The following RNF183 variants were observed in gnomAD, a reference collection of about 807,000 sequenced individuals.
The protein encoded by RNF183 is ring finger protein 183.
A neutral mutation model predicts 9.0 loss-of-function variants in RNF183; 4 were observed. The observed-to-expected ratio is 0.44, with a 90% CI of 0.22 to 1.01. The LOEUF (loss-of-function observed/expected upper bound fraction) is 1.01, where lower values mean the gene tolerates loss of function less well. Among genes scored for constraint, RNF183 ranks in the 50% least tolerant of loss-of-function variants. The pLI is 0.25. For synonymous variants in RNF183, 102 were observed against 107.5 expected (o/e 0.95, Z 0.32); for missense variants, 227 against 253.6 (o/e 0.89, Z 0.71).
rs3750535 is a variant in RNF183, at chr9:113,297,453, A to T, written c.*153T>A. The T allele has an allele frequency of 0.36, 184,599 of 506,546 alleles. 35,883 individuals carry two copies. The highest frequency in any genetic ancestry group is 0.6 in the African/African-American group (29,470 of 49,398). The allele number at this position is 506,546 out of a possible 1,614,324, so 31.4% of individuals were successfully genotyped here. A position where few individuals can be genotyped will look rare whatever the true frequency, so the allele number is the denominator to read the frequency against. On this transcript the variant is annotated 3_prime_UTR_variant, in exon 5 of 5. Transcript: ENST00000489339. The stretch of plus-strand genomic sequence containing the variant: ...GCTTTTCGTTTTTTTGTTTTTTTTT[A>T]AAATTGTTCCCAGAAGCAAACACAT...
intron 2 of RNF183, 43 bp downstream of exon 2, chr9:113,302,152 A>T (rs976090185): frequency 6.6e-6 from 1 of 150,574 alleles, no homozygotes; most frequent in African/African-American, 2.5e-5. Context: ...AGCTTGTATT[A>T]CTACACGTCA....
chr9:113,300,421 A>G (rs1160474449), intron 3 of RNF183, among the ~76,000 whole-genome samples: 2 of 152,244 alleles, frequency 1.3e-5, no homozygotes, highest in Non-Finnish European at 2.9e-5. Context: ...GCAAAAAGAC[A>G]TTTAATGAAT....
Position 113,297,724 on chromosome 9 carries a change from C to T in RNF183, c.461G>A (p.Cys154Tyr). The T allele has an allele frequency of 6.2e-7, 1 of 1,614,116 alleles. No homozygotes were observed. Among genetic ancestry groups the T allele is most frequent in the Non-Finnish European group, 8.5e-7 (1 of 1,180,002 alleles). ...LIPSHHSLRE[C>Y]FRNPQFRIFA... ...GATGCGGAACTGAGGGTTGCGGAAA[C>T]ACTCCCTCAAAGAGTGGTGGCTGGG... The change falls in exon 5 of 5, where the codon TGT becomes TAT. Residue 154 changes from cysteine (C) to tyrosine (Y), a missense_variant. Physicochemically the swap from Cys to Tyr is radical, Grantham distance 194. Transcript: ENST00000489339.
chr9:113,298,063 A>C lies in RNF183; in HGVS notation c.122T>G (p.Leu41Arg). Residue 41 changes from leucine to arginine, a missense_variant, in exon 5 of 5, where the codon CTG becomes CGG. Leu to Arg is a moderately radical substitution (Grantham distance 102, BLOSUM62 -2). Coordinates refer to ENST00000489339, the MANE Select transcript of RNF183 (RefSeq NM_001371237.1). This position sits in a 1 kb window ranked among gnomAD's most constrained non-coding sequence, Gnocchi z 4.9. ...DCCHSFCVEC[L>R]AHLSLVTPAR... Reference sequence around the variant, plus strand: ...TGGAGTCACAAGGCTGAGGTGGGCCAGACATTCCACGCAGAAGGAGTGGCA... The same window carrying C: ...TGGAGTCACAAGGCTGAGGTGGGCCCGACATTCCACGCAGAAGGAGTGGCA... 1 of 1,614,084 alleles carries C rather than the reference A, an allele frequency of 6.2e-7. No homozygotes were observed. The highest frequency in any genetic ancestry group is 8.5e-7 in the Non-Finnish European group (1 of 1,180,018).
chr9:113,300,823 A>G (rs953538518), intron 3 of RNF183, among the ~76,000 whole-genome samples: 5 of 152,156 alleles, frequency 3.3e-5, no homozygotes, highest in Non-Finnish European at 7.4e-5. Flanking sequence ...TCCTATTTCC[A>G]TTTTTAAAAC....
At position 113,298,194 on chromosome 9, in the gene RNF183, C is replaced by T. The variant is rs1385073796; in HGVS notation, c.-10G>A. On this transcript the variant is annotated 5_prime_UTR_variant, in exon 5 of 5. It adds an upstream start codon to the 5' untranslated region. Transcript: ENST00000489339. The surrounding 1 kb of genome is among the most constrained non-coding windows in gnomAD (Gnocchi z 4.9). ...CCTGCTGCTCAGCCATCCTCAGCCACACACGGGGAGGCTTCGCGGGAGACG... is the reference window on the plus strand; with the variant it reads ...CCTGCTGCTCAGCCATCCTCAGCCATACACGGGGAGGCTTCGCGGGAGACG... The T allele has an allele frequency of 1.9e-6, 3 of 1,605,602 alleles. No homozygotes were observed. The Admixed American group carries it at 5.0e-5, about 27-fold the overall frequency.
chr9:113,297,467 A>C lies in RNF183; in HGVS notation c.*139T>G. On this transcript the variant is annotated 3_prime_UTR_variant, in exon 5 of 5. Coordinates refer to ENST00000489339, the MANE Select transcript of RNF183 (RefSeq NM_001371237.1). Reference sequence around the variant, plus strand: ...TGTTTTTTTTTAAAATTGTTCCCAGAAGCAAACACATGGCCTGAACAATCC... The same window carrying C: ...TGTTTTTTTTTAAAATTGTTCCCAGCAGCAAACACATGGCCTGAACAATCC... The C allele has an allele frequency of 1.8e-6, 1 of 560,442 alleles. No individual in the cohort carries two copies. The highest frequency in any genetic ancestry group is 3.0e-6 in the Non-Finnish European group (1 of 332,236). 34.7% of individuals were successfully genotyped at this position (560,442 alleles called of 1,614,324 possible). A position where few individuals can be genotyped will look rare whatever the true frequency, so the allele number is the denominator to read the frequency against.
chr9:113,298,248 G>A lies in RNF183; in HGVS notation c.-37-27C>T. ...TGGCAGAAGGGGGAAAGGAGCAAAGGAACAGCCATGAAGTCCCATCCTTGT... is the reference window on the plus strand; with the variant it reads ...TGGCAGAAGGGGGAAAGGAGCAAAGAAACAGCCATGAAGTCCCATCCTTGT... On this transcript the variant is annotated intron_variant, in intron 4 of 4. Coordinates refer to ENST00000489339, the MANE Select transcript of RNF183 (RefSeq NM_001371237.1). This position sits in a 1 kb window ranked among gnomAD's most constrained non-coding sequence, Gnocchi z 4.9. 1.4e-6 allele frequency: 2 copies of A among 1,385,906 alleles called. No individual in the cohort carries two copies. Among genetic ancestry groups the A allele is most frequent in the Non-Finnish European group, 2.0e-6 (2 of 991,990 alleles). The allele number at this position is 1,385,906 out of a possible 1,614,324, so 85.9% of individuals were successfully genotyped here. A position where few individuals can be genotyped will look rare whatever the true frequency, so the allele number is the denominator to read the frequency against.
chr9:113,302,697 A>G lies in RNF183; in HGVS notation c.-441+359T>C, dbSNP rs148537488. ...ATTTGGAACAATTTGTCTTGGACAA[A>G]TGGCTTAACCTCTCTGAACTTCATT... On this transcript the variant is annotated intron_variant, in intron 1 of 4. Coordinates refer to ENST00000489339, the MANE Select transcript of RNF183 (RefSeq NM_001371237.1). 9.0e-4 allele frequency among the ~76,000 whole-genome samples: 137 copies of G among 152,320 alleles called. 1 individual carries two copies. The highest frequency in any genetic ancestry group is 1.4e-3 in the Non-Finnish European group (93 of 68,036).
chr9:113,298,461 C>T lies in RNF183; in HGVS notation c.-37-240G>A, dbSNP rs537071633. On this transcript the variant is annotated intron_variant, in intron 4 of 4. Transcript: ENST00000489339. The surrounding 1 kb of genome is among the most constrained non-coding windows in gnomAD (Gnocchi z 4.9). ...CCCTACCAAGAGCCCCCAAGAGAGC[C>T]GGCATTGGAGCAGATGTCGCCCTGG... The T allele has an allele frequency of 2.5e-5, 12 of 484,446 alleles. No homozygotes were observed. The highest frequency in any genetic ancestry group is 8.6e-5 in the South Asian group (3 of 35,016). 30.0% of individuals were successfully genotyped at this position (484,446 alleles called of 1,614,324 possible).
At position 113,303,075 on chromosome 9, in the gene RNF183, T is replaced by G. The variant is rs1463735185; in HGVS notation, c.-460A>C. 6.6e-6 allele frequency: 1 copy of G among 152,646 alleles called. No homozygotes were observed. Among genetic ancestry groups the G allele is most frequent in the African/African-American group, 2.4e-5 (1 of 41,444 alleles). The allele number at this position is 152,646 out of a possible 1,614,324, so 9.5% of individuals were successfully genotyped here. A position where few individuals can be genotyped will look rare whatever the true frequency, so the allele number is the denominator to read the frequency against. On this transcript the variant is annotated 5_prime_UTR_variant, in exon 1 of 5. Transcript: ENST00000489339. The stretch of plus-strand genomic sequence containing the variant: ...CCTTACCTGCTCCCTCGGAGCCGCC[T>G]CCTCCGCCTCCGTTCGTGCAGCCCT...
intron 1 of RNF183, 74 bp downstream of exon 1, chr9:113,302,982 G>C (rs1350751827): frequency 6.6e-6 from 1 of 152,266 alleles, no homozygotes; most frequent in Non-Finnish European, 1.5e-5. Context: ...CCTGTCGCGC[G>C]CTGCACGGCT....
intron 1 of RNF183, among the ~76,000 whole-genome samples, 164 bp downstream of exon 1, chr9:113,302,892 C>G (rs1832960296): frequency 1.3e-5 from 2 of 152,216 alleles, no homozygotes; most frequent in African/African-American, 4.8e-5. Flanking sequence ...GGTGAGGCAA[C>G]TTGCCGAAGT....
chr9:113,297,361 G>A lies in RNF183; in HGVS notation c.*245C>T, dbSNP rs564608949. ...GCTGTGGAGCTCTGTGGTCAGAACC[G>A]CTTCTCTGCCCTTCCATGACGCCAC... On this transcript the variant is annotated 3_prime_UTR_variant, in exon 5 of 5. Coordinates refer to ENST00000489339, the MANE Select transcript of RNF183 (RefSeq NM_001371237.1). The A allele has an allele frequency of 4.0e-5, 13 of 326,102 alleles. No individual in the cohort carries two copies. The highest frequency in any genetic ancestry group is 9.3e-5 in the Admixed American group (2 of 21,462). 20.2% of individuals were successfully genotyped at this position (326,102 alleles called of 1,614,324 possible).
Position 113,298,146 on chromosome 9 carries a change from G to A in RNF183, c.39C>T (p.Cys13=). ...EQQGRELEAE[C]PVCWNPFNNT... is the part of the protein sequence containing the mutation. ...TGTTGAAGGGGTTCCAGCAGACGGGGCACTCAGCCTCAAGCTCCCGGCCCT... is the reference window on the plus strand; with the variant it reads ...TGTTGAAGGGGTTCCAGCAGACGGGACACTCAGCCTCAAGCTCCCGGCCCT... The change falls in exon 5 of 5, where the codon TGC becomes TGT. Residue 13 remains cysteine, a synonymous_variant. Transcript: ENST00000489339. This position sits in a 1 kb window ranked among gnomAD's most constrained non-coding sequence, Gnocchi z 4.9. 1 of 1,613,786 alleles carries A rather than the reference G, an allele frequency of 6.2e-7. No individual in the cohort carries two copies. The highest frequency in any genetic ancestry group is 8.5e-7 in the Non-Finnish European group (1 of 1,179,876).
intron 3 of RNF183, among the ~76,000 whole-genome samples, chr9:113,300,672 G>A (rs554122273): frequency 1.3e-5 from 2 of 152,050 alleles, no homozygotes; most frequent in South Asian, 4.2e-4. Flanking sequence ...CTTCCAATTT[G>A]AGAAAGTGAA....
At chr9:113,300,058 C>A (rs1160759771) in intron 3 of RNF183, among the ~76,000 whole-genome samples, 1 of 152,188 alleles carries the variant, frequency 6.6e-6, no homozygotes, top group African/African-American at 2.4e-5. Context: ...AAGAGGGGAT[C>A]TGGGGGAAGG....
rs185096359 is a variant in RNF183, at chr9:113,298,116, C to G, written c.69G>C (p.Thr23=). 1.4e-5 allele frequency: 22 copies of G among 1,613,856 alleles called. No individual in the cohort carries two copies. Among genetic ancestry groups the G allele is most frequent in the Non-Finnish European group, 1.7e-5 (20 of 1,179,978 alleles). ...AATCCAGCATTTTGGGGGTATGGAA[C>G]GTGTTGTTGAAGGGGTTCCAGCAGA... ...CPVCWNPFNN[T]FHTPKMLDCC... is the part of the protein sequence containing the mutation. Residue 23 remains threonine, a synonymous_variant, in exon 5 of 5, where the codon ACG becomes ACC. Transcript: ENST00000489339. This position sits in a 1 kb window ranked among gnomAD's most constrained non-coding sequence, Gnocchi z 4.9.
In RNF183 at chr9:113,299,629, A is replaced by C. The variant is rs1032300005; in HGVS notation, c.-95T>G. 2.0e-5 allele frequency: 3 copies of C among 152,154 alleles called. No individual in the cohort carries two copies. Among genetic ancestry groups the C allele is most frequent in the Admixed American group, 6.5e-5 (1 of 15,282 alleles). The allele number at this position is 152,154 out of a possible 1,614,324, so 9.4% of individuals were successfully genotyped here. A position where few individuals can be genotyped will look rare whatever the true frequency, so the allele number is the denominator to read the frequency against. ...GCTGGTCAGCCTTCTGAGATCTTAG[A>C]GCTGGCCATCCCACCAACCTTAGGG... On this transcript the variant is annotated 5_prime_UTR_variant, in exon 4 of 5. Transcript: ENST00000489339.
Sources: allele counts gnomAD v4.1 joint callset (sites outside exome capture counted in the v4.1 genomes callset), GRCh38; gene constraint gnomAD v4.1.1; non-coding constraint Gnocchi (gnomAD v3.1); transcripts MANE v1.5; gene names NCBI Gene and HGNC (gene_info 2026-07-23, HGNC 2026-07-21).